ATP8A2: variants seen among roughly 807,000 people sequenced by gnomAD.
The protein encoded by ATP8A2 is ATPase phospholipid transporting 8A2.
In ATP8A2, 100 loss-of-function variants were observed where a neutral mutation model predicts 165.6. The ratio of observed to expected loss-of-function variants is 0.60; its 90% confidence interval spans 0.51 to 0.71. ATP8A2 has a LOEUF of 0.71. ATP8A2 is among the 30% of genes least tolerant of loss of function. The pLI, the probability that ATP8A2 is intolerant of heterozygous loss-of-function variation, is 0.00. For synonymous variants in ATP8A2, 543 were observed against 548.8 expected, an observed-to-expected ratio of 0.99 and a Z score of 0.15; for missense variants, 1,227 against 1,479.5, an observed-to-expected ratio of 0.83 and a Z score of 2.80.
intron 24 of ATP8A2, among the ~76,000 whole-genome samples, chr13:25,665,418 C>T (rs2042131762): frequency 6.6e-6 from 1 of 152,022 alleles, no homozygotes; most frequent in Non-Finnish European, 1.5e-5. Context: ...ATAGGGAGAT[C>T]CTGTCTCTAA....
intron 27 of ATP8A2, among the ~76,000 whole-genome samples, chr13:25,827,175 TC>T (rs1347500828): frequency 3.3e-5 from 5 of 152,222 alleles, no homozygotes; most frequent in Non-Finnish European, 7.3e-5. Flanking sequence ...AGTGGCACTA[TC>T]TTGGCTCACT....
intron 28 of ATP8A2, among the ~76,000 whole-genome samples, chr13:25,828,475 G>C (rs1951375706): frequency 6.6e-6 from 1 of 152,186 alleles, no homozygotes; most frequent in Admixed American, 6.5e-5. Context: ...CTACATGCCT[G>C]TGCAACACTT....
intron 2 of ATP8A2, among the ~76,000 whole-genome samples, chr13:25,504,421 CTTTTTT>C (rs577817952): frequency 8.1e-6 from 1 of 124,172 alleles, no homozygotes; most frequent in Admixed American, 8.3e-5. Context: ...CTTTCCTTTC[CTTTTTT>C]TTTTTTTTTT....
chr13:25,712,600 G>T (rs757365053), intron 25 of ATP8A2, among the ~76,000 whole-genome samples: 1 of 152,150 alleles, frequency 6.6e-6, no homozygotes, highest in African/African-American at 2.4e-5. Context: ...AACCATAAGG[G>T]ACTAGATGAT....
At chr13:25,529,143 A>G (rs2037947903) in intron 2 of ATP8A2, among the ~76,000 whole-genome samples, 1 of 152,134 alleles carries the variant, frequency 6.6e-6, no homozygotes, top group Non-Finnish European at 1.5e-5. Context: ...TCTTGCTAGA[A>G]TATATTATAA....
At chr13:25,621,258 T>TTTGTGA (rs2040960378) in intron 24 of ATP8A2, among the ~76,000 whole-genome samples, 1 of 152,194 alleles carries the variant, frequency 6.6e-6, no homozygotes, top group African/African-American at 2.4e-5. Flanking sequence ...TGTGAACAAA[T>TTTGTGA]ACGTATGAAA....
chr13:25,968,670 A>G lies in ATP8A2; in HGVS notation c.3368A>G (p.Asn1123Ser), dbSNP rs1240564602. 3.1e-6 allele frequency: 5 copies of G among 1,613,040 alleles called. No homozygotes were observed. The highest frequency in any genetic ancestry group is 4.2e-6 in the Non-Finnish European group (5 of 1,179,706). Residue 1123 changes from asparagine to serine, a missense_variant, in exon 35 of 37, where the codon AAT (asparagine) becomes AGT (serine). Asn to Ser is a conservative substitution (Grantham distance 46). Coordinates refer to ENST00000381655, the MANE Select transcript of ATP8A2 (RefSeq NM_016529.6). ...GGAAAAGCGGTGCTGCGGGATAGCA[A>G]TGGAAAGAGGTGGGGAACTCCGTCC... ...VLGKAVLRDSNGKRLNERDRL... is the reference protein window; with the variant it reads ...VLGKAVLRDSSGKRLNERDRL...
At chr13:25,759,537 G>T (rs970579656) in intron 25 of ATP8A2, among the ~76,000 whole-genome samples, 2 of 152,136 alleles carry the variant, frequency 1.3e-5, no homozygotes, top group African/African-American at 4.8e-5. Flanking sequence ...TGTTAACTTT[G>T]AGGAAGCCAG....
intron 24 of ATP8A2, among the ~76,000 whole-genome samples, chr13:25,609,167 CA>C (rs558486186): frequency 6.6e-6 from 1 of 150,534 alleles, no homozygotes; most frequent in Non-Finnish European, 1.5e-5. Context: ...TAAGATTCTT[CA>C]AAAAAACTAA....
At chr13:25,978,633 T>C (rs767073500) in intron 35 of ATP8A2, among the ~76,000 whole-genome samples, 9 of 152,022 alleles carry the variant, frequency 5.9e-5, no homozygotes, top group Non-Finnish European at 8.8e-5. Flanking sequence ...TCCTGGACTG[T>C]TACAGGCAAA....
chr13:25,576,972 G>A (rs2138212698), intron 19 of ATP8A2, 97 bp from the exon 20 acceptor site: 1 of 927,434 alleles, frequency 1.1e-6, no homozygotes, highest in African/African-American at 1.7e-5. Flanking sequence ...TCATTTTTAG[G>A]AACCCCAGAC....
At chr13:25,925,496 CT>C (rs80350005) in intron 33 of ATP8A2, among the ~76,000 whole-genome samples, 125,797 of 150,326 alleles carry the variant, frequency 0.84, 52,890 homozygotes, top group East Asian at 0.99. Flanking sequence ...GATCGCGCCA[CT>C]TACACTCCAG....
At chr13:25,688,048 T>G (rs1013737357) in intron 24 of ATP8A2, among the ~76,000 whole-genome samples, 1 of 152,066 alleles carries the variant, frequency 6.6e-6, no homozygotes, top group East Asian at 1.9e-4. Context: ...CACCATACTT[T>G]ACAGGCCTGG....
intron 35 of ATP8A2, among the ~76,000 whole-genome samples, chr13:25,995,677 G>A (rs1366985253): frequency 6.6e-6 from 1 of 151,906 alleles, no homozygotes; most frequent in African/African-American, 2.4e-5. Context: ...TTTTAAGTGT[G>A]TTGAAGTTTG....
intron 33 of ATP8A2, among the ~76,000 whole-genome samples, chr13:25,903,019 C>A (rs1953811726): frequency 6.6e-6 from 1 of 151,254 alleles, no homozygotes; most frequent in Admixed American, 6.6e-5. Context: ...ATAAAAACTC[C>A]TGTCTCGAAT....
At chr13:25,596,367 G>GACAAATGTAT in intron 24 of ATP8A2, among the ~76,000 whole-genome samples, 1 of 152,246 alleles carries the variant, frequency 6.6e-6, no homozygotes, top group South Asian at 2.1e-4. Context: ...GATATATTTT[G>GACAAATGTAT]ACAAATGTAT....
intron 27 of ATP8A2, among the ~76,000 whole-genome samples, chr13:25,803,369 A>G (rs929829438): frequency 6.6e-6 from 1 of 152,220 alleles, no homozygotes; most frequent in Non-Finnish European, 1.5e-5. Context: ...GAATATCAAA[A>G]TGAGAACCTC....
At chr13:25,904,984 A>C (rs1163938285) in intron 33 of ATP8A2, among the ~76,000 whole-genome samples, 1 of 152,216 alleles carries the variant, frequency 6.6e-6, no homozygotes, top group Non-Finnish European at 1.5e-5. Flanking sequence ...CAGTAGTCAG[A>C]TACCTGCATG....
intron 2 of ATP8A2, among the ~76,000 whole-genome samples, chr13:25,493,648 A>G (rs2036590699): frequency 6.6e-6 from 1 of 152,214 alleles, no homozygotes; most frequent in Non-Finnish European, 1.5e-5. Flanking sequence ...TGGTCTAGAC[A>G]GAGCTTGTGG....
Sources: allele counts gnomAD v4.1 joint callset (sites outside exome capture counted in the v4.1 genomes callset), GRCh38; gene constraint gnomAD v4.1.1; transcripts MANE v1.5; gene names NCBI Gene and HGNC (gene_info 2026-07-23, HGNC 2026-07-21).